The following CDCA8 variants were observed in gnomAD, a reference collection of about 807,000 sequenced individuals.
The protein encoded by CDCA8 is cell division cycle associated 8, also known as borealin.
Under a neutral mutation model 40.0 loss-of-function variants are expected in CDCA8, and 25 were observed. That is an observed-to-expected ratio of 0.63 (90% confidence interval 0.46 to 0.87). The LOEUF (loss-of-function observed/expected upper bound fraction) is 0.87. CDCA8 is among the 40% of genes least tolerant of loss of function. The probability of loss-of-function intolerance (pLI) is 0.00; values close to 1 mark genes in which losing one functional copy is unlikely to be tolerated. For synonymous variants in CDCA8, 111 were observed against 126.5 expected (o/e 0.88, Z 0.82); for missense variants, 280 against 348.4 (o/e 0.80, Z 1.56).
At chr1:37,707,230 GT>G (rs1330019070) in intron 9 of CDCA8, among the ~76,000 whole-genome samples, 166 bp downstream of exon 9, 1 of 152,222 alleles carries the variant, frequency 6.6e-6, no homozygotes, top group African/African-American at 2.4e-5. Flanking sequence ...GATAGCAGCA[GT>G]TCTGTTCCTC....
chr1:37,703,443 C>T (rs997143993), intron 7 of CDCA8, 96 bp downstream of exon 7: 6 of 894,550 alleles, frequency 6.7e-6, no homozygotes, highest in Admixed American at 3.6e-5. Flanking sequence ...AGGCCAGGCA[C>T]GGTAGCTCAC....
chr1:37,699,934 G>T lies in CDCA8; in HGVS notation c.338-502G>T, dbSNP rs1045612504. ...GACTCTGTCTCAAAAAAAAAAAAAA[G>T]TTACTCAATTCCATGATCTATCCAC... On this transcript the variant is annotated intron_variant, in intron 4 of 9. Coordinates refer to ENST00000373055, the MANE Select transcript of CDCA8 (RefSeq NM_001256875.2). 3.3e-5 allele frequency among the ~76,000 whole-genome samples: 5 copies of T among 151,416 alleles called. No homozygotes were observed. In the East Asian group the frequency reaches 7.8e-4, roughly 24 times the overall value.
At chr1:37,698,785 C>T in intron 3 of CDCA8, 120 bp from the exon 4 acceptor site, 1 of 677,088 alleles carries the variant, frequency 1.5e-6, no homozygotes, top group Non-Finnish European at 2.6e-6. Flanking sequence ...TATATTGTAT[C>T]ACTAACATTT....
In CDCA8 at chr1:37,701,804, A is replaced by AGGAAAAG; in HGVS notation, c.483_488+1dup. On this transcript the variant is annotated frameshift_variant, in exon 6 of 10. Transcript: ENST00000373055. LOFTEE classifies it high-confidence loss of function. ...AGAGAACTCAGTCCATACAAGGAAA[A>AGGAAAAG]GGAAAAGGGAAAAGGTAGTGGATTT... 6.2e-7 allele frequency: 1 copy of AGGAAAAG among 1,612,856 alleles called. No homozygotes were observed. Among genetic ancestry groups the AGGAAAAG allele is most frequent in the Non-Finnish European group, 8.5e-7 (1 of 1,179,014 alleles).
intron 2 of CDCA8, among the ~76,000 whole-genome samples, chr1:37,693,969 C>T (rs1645505733): frequency 6.6e-6 from 1 of 152,038 alleles, no homozygotes; most frequent in Admixed American, 6.6e-5. Context: ...GAAACCCTGT[C>T]TCTACTAAAA....
intron 5 of CDCA8, 79 bp from the exon 6 acceptor site, chr1:37,701,673 TAA>T (rs71701232): frequency 3.9e-3 from 2,496 of 641,726 alleles, no homozygotes; most frequent in South Asian, 4.4e-3. Context: ...CTTAATGCTT[TAA>T]AAAAAAAAAA....
At chr1:37,698,235 T>C (rs889164279) in intron 3 of CDCA8, among the ~76,000 whole-genome samples, 2 of 152,264 alleles carry the variant, frequency 1.3e-5, no homozygotes, top group Non-Finnish European at 2.9e-5. Flanking sequence ...GGAAACAATT[T>C]GGCATAATGC....
At chr1:37,693,940 C>G (rs1447942010) in intron 2 of CDCA8, among the ~76,000 whole-genome samples, 1 of 151,902 alleles carries the variant, frequency 6.6e-6, no homozygotes, top group Non-Finnish European at 1.5e-5. Context: ...GAGTTCGAGA[C>G]CAGCCTGACC....
chr1:37,695,820 G>T, intron 2 of CDCA8, 90 bp from the exon 3 acceptor site: 1 of 1,167,658 alleles, frequency 8.6e-7, no homozygotes, highest in East Asian at 2.5e-5. Context: ...TAGACCAAGG[G>T]CTGGACCAGT....
chr1:37,700,507 C>A lies in CDCA8; in HGVS notation c.409C>A (p.Leu137Ile). The A allele has an allele frequency of 1.2e-6, 2 of 1,605,258 alleles. No homozygotes were observed. The highest frequency in any genetic ancestry group is 2.2e-5 in the South Asian group (2 of 90,778). ...EEEEENERKNLQTARVKRCPP... is the reference protein window; with the variant it reads ...EEEEENERKNIQTARVKRCPP... ...AGAAGAAGAAAATGAACGTAAGAAT[C>A]TTCAAACTGCAAGAGTAAGTGGACA... is the stretch of plus-strand genomic sequence containing the variant. The change falls in exon 5 of 10, where the codon CTT becomes ATT. Residue 137 changes from leucine to isoleucine, a missense_variant. By Grantham distance (5) the Leu-to-Ile change is conservative. Transcript: ENST00000373055.
chr1:37,701,874 T>C (rs777758705), intron 6 of CDCA8, 56 bp downstream of exon 6: 40 of 1,341,266 alleles, frequency 3.0e-5, no homozygotes, highest in African/African-American at 4.3e-5. Flanking sequence ...GCCATATATA[T>C]CATGGCAGAA....
chr1:37,703,736 T>G (rs1473844129), intron 7 of CDCA8, among the ~76,000 whole-genome samples: 1 of 151,860 alleles, frequency 6.6e-6, no homozygotes. Flanking sequence ...AAGAAAATAG[T>G]CCCGAGTCCT....
intron 7 of CDCA8, among the ~76,000 whole-genome samples, chr1:37,704,219 G>A (rs1427506061): frequency 6.6e-6 from 1 of 152,152 alleles, no homozygotes; most frequent in Non-Finnish European, 1.5e-5. Flanking sequence ...ACAAGCATGA[G>A]CCATCACACC....
chr1:37,707,096 T>TG, intron 9 of CDCA8, 32 bp downstream of exon 9: 2 of 1,517,104 alleles, frequency 1.3e-6, no homozygotes, highest in Non-Finnish European at 1.8e-6. Context: ...ACACATAGGA[T>TG]GCCTCCAGTA....
At chr1:37,706,243 G>A (rs1218932374) in intron 8 of CDCA8, among the ~76,000 whole-genome samples, 5 of 152,036 alleles carry the variant, frequency 3.3e-5, no homozygotes, top group Non-Finnish European at 7.4e-5. Flanking sequence ...GAGTAACTGG[G>A]ACTACAGGCA....
At chr1:37,704,142 C>G (rs914089808) in intron 7 of CDCA8, among the ~76,000 whole-genome samples, 2 of 151,918 alleles carry the variant, frequency 1.3e-5, no homozygotes, top group African/African-American at 4.8e-5. Flanking sequence ...GCCAGGTTGC[C>G]CAGGCTGGTC....
At chr1:37,702,211 G>A (rs946820047) in intron 6 of CDCA8, among the ~76,000 whole-genome samples, 11 of 151,550 alleles carry the variant, frequency 7.3e-5, no homozygotes, top group Non-Finnish European at 1.5e-4. Context: ...GGCTAATTTT[G>A]TATTTTTAGT....
In CDCA8 at chr1:37,696,240, CAT is replaced by C; in HGVS notation, c.264+291_264+292del. On this transcript the variant is annotated intron_variant, in intron 3 of 9. Transcript: ENST00000373055. This position sits in a 1 kb window ranked among gnomAD's most constrained non-coding sequence, Gnocchi z 5.0. ...CCCAAGTTCCTTTAAGCGCCTGAGT[CAT>C]TACACTATGCATTGGCCTGCTAGAT... is the stretch of plus-strand genomic sequence containing the variant. Among the ~76,000 whole-genome samples, 1 of 152,320 alleles carries C rather than the reference CAT, an allele frequency of 6.6e-6. No homozygotes were observed. Among genetic ancestry groups the C allele is most frequent in the South Asian group, 2.1e-4 (1 of 4,824 alleles).
Position 37,692,648 on chromosome 1 carries a change from C to T in CDCA8, c.-43C>T, listed in dbSNP as rs767204470. ...TCGTCCCTACCCAGTTTCTTGCTTC[C>T]CTGCCCCATCTCCGCCGCTCCCCGC... On this transcript the variant is annotated 5_prime_UTR_variant, in exon 1 of 10. Coordinates refer to ENST00000373055, the MANE Select transcript of CDCA8 (RefSeq NM_001256875.2). 3.9e-5 allele frequency: 60 copies of T among 1,523,926 alleles called. No individual in the cohort carries two copies. The highest frequency in any genetic ancestry group is 1.4e-4 in the East Asian group (6 of 44,004). The allele number at this position is 1,523,926 out of a possible 1,614,324, so 94.4% of individuals were successfully genotyped here. A position where few individuals can be genotyped will look rare whatever the true frequency, so the allele number is the denominator to read the frequency against.
Sources: allele counts gnomAD v4.1 joint callset (sites outside exome capture counted in the v4.1 genomes callset), GRCh38; gene constraint gnomAD v4.1.1; non-coding constraint Gnocchi (gnomAD v3.1); transcripts MANE v1.5; gene names NCBI Gene and HGNC (gene_info 2026-07-23, HGNC 2026-07-21).